SORCS1: variants seen among roughly 807,000 people sequenced by gnomAD.
SORCS1 encodes VPS10 domain-containing receptor SorCS1.
Under a neutral mutation model 146.1 loss-of-function variants are expected in SORCS1, and 60 were observed. The observed-to-expected ratio is 0.41, with a 90% CI of 0.33 to 0.51. The LOEUF (loss-of-function observed/expected upper bound fraction) is 0.51, where lower values mean the gene tolerates loss of function less well. Ranked by LOEUF, SORCS1 falls within the 20% of genes least tolerant of loss-of-function variation. The pLI is 0.21. For synonymous variants in SORCS1, 637 were observed against 584.0 expected (o/e 1.09, Z -1.31); for missense variants, 1,352 against 1,487.6 (o/e 0.91, Z 1.50).
intron 2 of SORCS1, among the ~76,000 whole-genome samples, chr10:106,913,021 A>G (rs969203136): frequency 3.3e-5 from 5 of 151,806 alleles, no homozygotes; most frequent in African/African-American, 1.2e-4. Flanking sequence ...TAGAGTTCTG[A>G]TTAAAAGCCA....
intron 21 of SORCS1, among the ~76,000 whole-genome samples, chr10:106,613,835 A>G (rs1218906526): frequency 6.6e-6 from 1 of 151,856 alleles, no homozygotes; most frequent in African/African-American, 2.4e-5. Flanking sequence ...GTGCTCCAGG[A>G]CCTGTACTTC....
chr10:106,901,632 C>CA (rs1951707435), intron 2 of SORCS1, among the ~76,000 whole-genome samples: 1 of 152,178 alleles, frequency 6.6e-6, no homozygotes, highest in African/African-American at 2.4e-5. Flanking sequence ...GATGGGGTTT[C>CA]ACCATGTTGC....
intron 24 of SORCS1, among the ~76,000 whole-genome samples, chr10:106,596,759 G>A (rs1845929287): frequency 6.6e-6 from 1 of 152,146 alleles, no homozygotes; most frequent in South Asian, 2.1e-4. Context: ...CCCCACAAAT[G>A]TATTTGTTAA....
intron 2 of SORCS1, among the ~76,000 whole-genome samples, chr10:106,878,646 A>ATATATATATATATATATATATATTTATT (rs1200849744): frequency 1.7e-5 from 2 of 117,888 alleles, no homozygotes; most frequent in East Asian, 4.9e-4. Flanking sequence ...ATATATATAT[A>ATATATATATATATATATATATATTTATT]TATTTTATAG....
At chr10:106,776,761 A>C (rs1026368979) in intron 3 of SORCS1, 69 bp from the exon 4 acceptor site, 35 of 1,556,232 alleles carry the variant, frequency 2.2e-5, no homozygotes, top group South Asian at 2.0e-4. Flanking sequence ...AAACTTGAAA[A>C]TTAGCTAATT....
At chr10:107,131,528 G>A (rs1966870933) in intron 1 of SORCS1, among the ~76,000 whole-genome samples, 1 of 152,118 alleles carries the variant, frequency 6.6e-6, no homozygotes, top group Non-Finnish European at 1.5e-5. Context: ...TTTGAGACCA[G>A]CCTGGCCAAC....
chr10:106,627,812 C>T (rs897996264), intron 19 of SORCS1, among the ~76,000 whole-genome samples: 1 of 152,160 alleles, frequency 6.6e-6, no homozygotes, highest in East Asian at 1.9e-4. Flanking sequence ...AATCCCAAGC[C>T]GCTCTTGGCA....
At chr10:107,144,401 C>T (rs144645798) in intron 1 of SORCS1, among the ~76,000 whole-genome samples, 139 of 152,318 alleles carry the variant, frequency 9.1e-4, no homozygotes, top group African/African-American at 3.2e-3. Context: ...AAACTCAAAA[C>T]TGTTGGGCAC....
At chr10:106,824,234 G>C (rs755101628) in intron 3 of SORCS1, among the ~76,000 whole-genome samples, 11 of 151,092 alleles carry the variant, frequency 7.3e-5, no homozygotes, top group Non-Finnish European at 1.3e-4. Context: ...AACTCAGGAG[G>C]CGGAGGTTGC....
At chr10:106,942,340 A>G (rs1422295685) in intron 2 of SORCS1, among the ~76,000 whole-genome samples, 1 of 152,018 alleles carries the variant, frequency 6.6e-6, no homozygotes, top group African/African-American at 2.4e-5. Flanking sequence ...AAGACCTCTT[A>G]TCTACCACTC....
At chr10:107,057,911 T>C (rs1960803356) in intron 1 of SORCS1, among the ~76,000 whole-genome samples, 1 of 152,192 alleles carries the variant, frequency 6.6e-6, no homozygotes, top group African/African-American at 2.4e-5. Flanking sequence ...CTCAAATTCC[T>C]GGCTTCAAGC....
At chr10:106,781,062 A>C (rs545776513) in intron 3 of SORCS1, among the ~76,000 whole-genome samples, 1 of 151,788 alleles carries the variant, frequency 6.6e-6, no homozygotes, top group Non-Finnish European at 1.5e-5. Flanking sequence ...AGTTTGCTCC[A>C]GATTCAACAT....
Position 107,146,979 on chromosome 10 carries a change from A to G in SORCS1, c.558+16990T>C, listed in dbSNP as rs1321287628. Among the ~76,000 whole-genome samples the G allele has an allele frequency of 3.9e-5, 6 of 152,264 alleles. No individual in the cohort carries two copies. In the East Asian group the frequency reaches 9.7e-4, roughly 25 times the overall value. On this transcript the variant is annotated intron_variant, in intron 1 of 25. Transcript: ENST00000263054. ...TCCCCTCAAATAGTGCCTGGCACAT[A>G]GTAAAAACCCAGTAAGTATTAGTTA...
intron 13 of SORCS1, 72 bp from the exon 14 acceptor site, chr10:106,675,228 TC>T: frequency 4.4e-6 from 5 of 1,128,840 alleles, no homozygotes; most frequent in South Asian, 1.3e-5. Context: ...GGAAAGATAC[TC>T]TCAACCCAGA....
intron 2 of SORCS1, among the ~76,000 whole-genome samples, chr10:106,851,120 A>T (rs1949553685): frequency 1.3e-5 from 2 of 152,188 alleles, no homozygotes; most frequent in South Asian, 4.1e-4. Context: ...TTCATCAGAT[A>T]GGTCTTTTAT....
At chr10:106,952,765 C>G (rs1375655342) in intron 2 of SORCS1, among the ~76,000 whole-genome samples, 1 of 151,148 alleles carries the variant, frequency 6.6e-6, no homozygotes, top group Non-Finnish European at 1.5e-5. Context: ...TACTTGAACC[C>G]AGGAGCTCAA....
chr10:107,174,200 C>T, the SORCS1 span, among the ~76,000 whole-genome samples: 1 of 152,008 alleles, frequency 6.6e-6, no homozygotes, highest in Non-Finnish European at 1.5e-5. Flanking sequence ...TCCTGCACAT[C>T]CTTCTTTTTT....
At chr10:106,736,471 G>A (rs1266980932) in intron 5 of SORCS1, among the ~76,000 whole-genome samples, 2 of 152,060 alleles carry the variant, frequency 1.3e-5, no homozygotes, top group Non-Finnish European at 2.9e-5. Flanking sequence ...AACAGGTCCT[G>A]TCTGCTACCA....
intron 5 of SORCS1, among the ~76,000 whole-genome samples, chr10:106,749,273 C>T (rs969663532): frequency 2.0e-5 from 3 of 152,162 alleles, no homozygotes; most frequent in East Asian, 1.9e-4. Context: ...GCAGATGTCC[C>T]GACAGGTTCT....
Sources: allele counts gnomAD v4.1 joint callset (sites outside exome capture counted in the v4.1 genomes callset), GRCh38; gene constraint gnomAD v4.1.1; transcripts MANE v1.5; gene names NCBI Gene and HGNC (gene_info 2026-07-23, HGNC 2026-07-21).